The following CABLES1 variants were observed in gnomAD, a reference collection of about 807,000 sequenced individuals.
CABLES1 encodes Cdk5 and Abl enzyme substrate 1.
A neutral mutation model predicts 57.8 loss-of-function variants in CABLES1; 36 were observed. The ratio of observed to expected loss-of-function variants is 0.62; its 90% CI spans 0.48 to 0.82. The LOEUF (loss-of-function observed/expected upper bound fraction) is 0.82, where lower values mean the gene tolerates loss of function less well. CABLES1 is among the 40% of genes least tolerant of loss of function. The pLI is 0.00. For missense variants in CABLES1, 767 were observed against 836.6 expected (o/e 0.92, Z 1.03); for synonymous variants, 374 against 363.0 (o/e 1.03, Z -0.35).
intron 4 of CABLES1, among the ~76,000 whole-genome samples, chr18:23,229,268 C>T (rs990886718): frequency 5.9e-5 from 9 of 151,944 alleles, no homozygotes; most frequent in South Asian, 4.2e-4. Context: ...AAAAATTACC[C>T]GGGTGTGGTG....
At chr18:23,174,926 CTTATGCATTAATTAACTAA>C (rs1301858490) in intron 1 of CABLES1, among the ~76,000 whole-genome samples, 13 of 146,408 alleles carry the variant, frequency 8.9e-5, no homozygotes, top group African/African-American at 3.3e-4. Flanking sequence ...ATACTGGTGA[CTTATGCATTAATTAACTAA>C]TTATGCATTA....
At chr18:23,219,113 A>T in intron 4 of CABLES1, 1 of 451,362 alleles carries the variant, frequency 2.2e-6, no homozygotes, top group South Asian at 1.6e-5. Flanking sequence ...CTACCATTGT[A>T]CAGCAGAATT....
chr18:23,192,361 A>G (rs929052987), intron 2 of CABLES1, among the ~76,000 whole-genome samples: 9 of 152,250 alleles, frequency 5.9e-5, no homozygotes, highest in Admixed American at 2.0e-4. Context: ...CTTTGCTGGT[A>G]CAGACAGCCA....
chr18:23,136,747 C>T (rs1238894773), intron 1 of CABLES1, 140 bp downstream of exon 1: 5 of 527,850 alleles, frequency 9.5e-6, no homozygotes, highest in Admixed American at 8.6e-5. Flanking sequence ...GGGCCCGAAT[C>T]CCAAACCACG....
intron 3 of CABLES1, among the ~76,000 whole-genome samples, chr18:23,213,115 A>G (rs371216051): frequency 6.6e-6 from 1 of 152,216 alleles, no homozygotes; most frequent in East Asian, 1.9e-4. Flanking sequence ...TGTTACAACA[A>G]AGTTGAAATC....
At chr18:23,216,424 T>C (rs566399695) in intron 4 of CABLES1, among the ~76,000 whole-genome samples, 1 of 152,318 alleles carries the variant, frequency 6.6e-6, no homozygotes, top group South Asian at 2.1e-4. Context: ...GCTTTTCTGG[T>C]ATCTGCCTCC....
chr18:23,165,189 G>C (rs557533284), intron 1 of CABLES1, among the ~76,000 whole-genome samples: 7 of 151,902 alleles, frequency 4.6e-5, no homozygotes, highest in Non-Finnish European at 1.0e-4. Context: ...TCAAACTCCT[G>C]GACTCCAGCA....
At chr18:23,178,276 A>G (rs2047139458) in intron 1 of CABLES1, among the ~76,000 whole-genome samples, 1 of 151,204 alleles carries the variant, frequency 6.6e-6, no homozygotes, top group African/African-American at 2.4e-5. Context: ...TGCGTATTCC[A>G]TTGTGTGCCC....
intron 1 of CABLES1, among the ~76,000 whole-genome samples, chr18:23,143,474 G>A (rs553237403): frequency 1.3e-5 from 2 of 152,146 alleles, no homozygotes; most frequent in South Asian, 2.1e-4. Context: ...CGCCCTGGGC[G>A]GGTTTCCCGC....
In CABLES1 at chr18:23,188,992, C is replaced by T. The variant is rs768141252; in HGVS notation, c.917+83C>T. On this transcript the variant is annotated intron_variant, in intron 2 of 9. Transcript: ENST00000256925. ...GATTTTGGTTTTTTAACTTCTTGAT[C>T]TATAGAATTAAATTTAAAAATAACC... The T allele has an allele frequency of 3.7e-4, 326 of 880,884 alleles. 2 individuals carry two copies. The highest frequency in any genetic ancestry group is 5.6e-4 in the Non-Finnish European group (314 of 561,592). 54.6% of individuals were successfully genotyped at this position (880,884 alleles called of 1,614,324 possible).
At chr18:23,141,616 G>A (rs1481725536) in intron 1 of CABLES1, among the ~76,000 whole-genome samples, 2 of 152,320 alleles carry the variant, frequency 1.3e-5, no homozygotes, top group African/African-American at 4.8e-5. Flanking sequence ...CAGGCCAGGC[G>A]GGGGCCTGTG....
chr18:23,166,506 AT>A (rs2047043828), intron 1 of CABLES1, among the ~76,000 whole-genome samples: 1 of 152,166 alleles, frequency 6.6e-6, no homozygotes, highest in African/African-American at 2.4e-5. Context: ...CCTGGCCAAC[AT>A]TTTTTTAAAC....
chr18:23,214,105 A>G (rs754678233), intron 4 of CABLES1, 51 bp downstream of exon 4: 3 of 1,277,024 alleles, frequency 2.3e-6, no homozygotes, highest in South Asian at 1.3e-5. Flanking sequence ...AAGATCTCAC[A>G]CCAATGTACA....
chr18:23,242,450 C>A (rs947802264), intron 7 of CABLES1, among the ~76,000 whole-genome samples: 1 of 152,162 alleles, frequency 6.6e-6, no homozygotes, highest in South Asian at 2.1e-4. Context: ...GCTTCCAGCT[C>A]TCTGCACCTC....
intron 9 of CABLES1, among the ~76,000 whole-genome samples, chr18:23,254,529 G>T (rs185488392): frequency 6.6e-6 from 1 of 152,314 alleles, no homozygotes; most frequent in Admixed American, 6.5e-5. Context: ...GTTTGTTACA[G>T]TTCCCAAGAG....
chr18:23,152,476 G>A (rs1024603819), intron 1 of CABLES1, among the ~76,000 whole-genome samples: 7 of 142,044 alleles, frequency 4.9e-5, no homozygotes, highest in Non-Finnish European at 9.0e-5. Flanking sequence ...GTTTATAATC[G>A]TTTGGTCTAA....
intron 1 of CABLES1, among the ~76,000 whole-genome samples, chr18:23,147,653 C>T (rs944283542): frequency 1.3e-5 from 2 of 152,180 alleles, no homozygotes; most frequent in African/African-American, 4.8e-5. Flanking sequence ...GAAACAGTAC[C>T]CCTCTGTTTG....
At chr18:23,223,220 C>T (rs1248453039) in intron 4 of CABLES1, among the ~76,000 whole-genome samples, 1 of 152,174 alleles carries the variant, frequency 6.6e-6, no homozygotes, top group African/African-American at 2.4e-5. Flanking sequence ...ATGTGAGCAA[C>T]ATGTAAGTCA....
chr18:23,250,664 C>T (rs1483606128), intron 7 of CABLES1, among the ~76,000 whole-genome samples: 6 of 152,286 alleles, frequency 3.9e-5, no homozygotes, highest in Non-Finnish European at 1.5e-5. Context: ...CTGGGCTGCC[C>T]CTTTCCTGGT....
Sources: allele counts gnomAD v4.1 joint callset (sites outside exome capture counted in the v4.1 genomes callset), GRCh38; gene constraint gnomAD v4.1.1; transcripts MANE v1.5; gene names NCBI Gene and HGNC (gene_info 2026-07-23, HGNC 2026-07-21).